The following OSR2 variants were observed in gnomAD, a reference collection of about 807,000 sequenced individuals.
The protein encoded by OSR2 is odd-skipped related transciption factor 2.
OSR2 carries 8 observed loss-of-function variants against 22.3 expected under a neutral mutation model. That is an observed-to-expected ratio of 0.36 (90% CI 0.21 to 0.65). The LOEUF is 0.65. OSR2 is among the 30% of genes least tolerant of loss of function. The pLI is 0.66. For synonymous variants in OSR2, 179 were observed against 173.8 expected, an observed-to-expected ratio of 1.03 and a Z score of -0.23; for missense variants, 311 against 413.4, an observed-to-expected ratio of 0.75 and a Z score of 2.15.
Position 98,948,732 on chromosome 8 carries a change from G to A in OSR2, c.-114-107G>A. The A allele has an allele frequency of 1.5e-6, 2 of 1,332,720 alleles. No homozygotes were observed. The highest frequency in any genetic ancestry group is 1.5e-5 in the South Asian group (1 of 66,680). The allele number at this position is 1,332,720 out of a possible 1,614,324, so 82.6% of individuals were successfully genotyped here. ...GGCTTTCGGGGGGTCTTGGAGTCGG[G>A]TGGGGAGGGAGACTTAGGTGTGGTA... On this transcript the variant is annotated intron_variant, in intron 1 of 3. Transcript: ENST00000297565. The surrounding 1 kb of genome is among the most constrained non-coding windows in gnomAD (Gnocchi z 6.0).
Position 98,948,545 on chromosome 8 carries a change from T to A in OSR2, c.-114-294T>A. On this transcript the variant is annotated intron_variant, in intron 1 of 3. Transcript: ENST00000297565. The surrounding 1 kb of genome is among the most constrained non-coding windows in gnomAD (Gnocchi z 6.0). ...CTGCCCGGCTGTCCGCCTTTCGTTT[T>A]CCTGGGACCGAGGAGTCTTCCGCTC... 4 of 1,315,856 alleles carry A rather than the reference T, an allele frequency of 3.0e-6. No individual in the cohort carries two copies. The South Asian group carries it at 6.3e-5, about 21-fold the overall frequency. The allele number at this position is 1,315,856 out of a possible 1,614,324, so 81.5% of individuals were successfully genotyped here. A position where few individuals can be genotyped will look rare whatever the true frequency, so the allele number is the denominator to read the frequency against.
At chr8:98,951,000 T>G in intron 3 of OSR2, 1 of 596,742 alleles carries the variant, frequency 1.7e-6, no homozygotes, top group Non-Finnish European at 2.9e-6. Context: ...TAGAATTTTT[T>G]TCATCCAATC....
intron 2 of OSR2, 105 bp from the exon 3 acceptor site, chr8:98,950,551 T>C (rs551594576): frequency 2.8e-6 from 2 of 703,308 alleles, no homozygotes; most frequent in African/African-American, 3.6e-5. Context: ...TAAATGGAAA[T>C]CTTGTTTCTT....
Position 98,948,189 on chromosome 8 carries a change from AG to A in OSR2, c.-114-648del. On this transcript the variant is annotated intron_variant, in intron 1 of 3. Transcript: ENST00000297565. The surrounding 1 kb of genome is among the most constrained non-coding windows in gnomAD (Gnocchi z 6.0). ...CGCTGATAGATGGGGCTGAGGGCAG[AG>A]GAAGGAAAAAGAAAACCTCCGAGGT... is the stretch of plus-strand genomic sequence containing the variant. 1 of 1,411,140 alleles carries A rather than the reference AG, an allele frequency of 7.1e-7. No homozygotes were observed. The highest frequency in any genetic ancestry group is 1.5e-5 in the South Asian group (1 of 66,138). 87.4% of individuals were successfully genotyped at this position (1,411,140 alleles called of 1,614,324 possible).
chr8:98,950,304 C>G (rs1462841002), intron 2 of OSR2, among the ~76,000 whole-genome samples: 1 of 152,108 alleles, frequency 6.6e-6, no homozygotes, highest in Non-Finnish European at 1.5e-5. Flanking sequence ...AAGGGATTCA[C>G]TAAAATTAGC....
chr8:98,946,836 A>T (rs1285420419), intron 1 of OSR2, among the ~76,000 whole-genome samples: 1 of 152,160 alleles, frequency 6.6e-6, no homozygotes, highest in African/African-American at 2.4e-5. Flanking sequence ...TAAGAAATCT[A>T]GTCTGGGAAT....
intron 2 of OSR2, among the ~76,000 whole-genome samples, 190 bp from the exon 3 acceptor site, chr8:98,950,466 G>A (rs1198915148): frequency 6.6e-6 from 1 of 152,028 alleles, no homozygotes; most frequent in Non-Finnish European, 1.5e-5. Context: ...CCGCGGGCTG[G>A]TGAATATTTT....
At position 98,948,702 on chromosome 8, in the gene OSR2, C is replaced by T; in HGVS notation, c.-114-137C>T. 5 of 1,179,172 alleles carry T rather than the reference C, an allele frequency of 4.2e-6. No homozygotes were observed. The highest frequency in any genetic ancestry group is 5.8e-6 in the Non-Finnish European group (5 of 864,966). 73.0% of individuals were successfully genotyped at this position (1,179,172 alleles called of 1,614,324 possible). A position where few individuals can be genotyped will look rare whatever the true frequency, so the allele number is the denominator to read the frequency against. On this transcript the variant is annotated intron_variant, in intron 1 of 3. Transcript: ENST00000297565. This position sits in a 1 kb window ranked among gnomAD's most constrained non-coding sequence, Gnocchi z 6.0. ...AGGTGCCAAGGTGCCACGCAGTCCC[C>T]TCACGGCTTTCGGGGGGTCTTGGAG...
At position 98,950,851 on chromosome 8, in the gene OSR2, G is replaced by C. The variant is rs1474949782; in HGVS notation, c.756+96G>C. The stretch of plus-strand genomic sequence containing the variant: ...AATGGCAGACTCTTTCTCTTAAAAG[G>C]CTCTATTTAGATTAGTTCTCTAGGT... On this transcript the variant is annotated intron_variant, in intron 3 of 3. Transcript: ENST00000297565. The C allele has an allele frequency of 8.9e-6, 7 of 788,306 alleles. No individual in the cohort carries two copies. The Admixed American group carries it at 1.4e-4, about 16-fold the overall frequency. The allele number at this position is 788,306 out of a possible 1,614,324, so 48.8% of individuals were successfully genotyped here.
In OSR2 at chr8:98,951,442, G is replaced by A. The variant is rs568108493; in HGVS notation, c.757-77G>A. On this transcript the variant is annotated intron_variant, in intron 3 of 3. Coordinates refer to ENST00000297565, the MANE Select transcript of OSR2 (RefSeq NM_001142462.3). ...GTGTTATGTTAACGCTTGTGATAACGATAAGACAGAAACTATTGAAAAGGG... is the reference window on the plus strand; with the variant it reads ...GTGTTATGTTAACGCTTGTGATAACAATAAGACAGAAACTATTGAAAAGGG... The A allele has an allele frequency of 1.5e-5, 20 of 1,370,070 alleles. No individual in the cohort carries two copies. The South Asian group carries it at 2.5e-4, about 17-fold the overall frequency. 84.9% of individuals were successfully genotyped at this position (1,370,070 alleles called of 1,614,324 possible).
At chr8:98,950,803 T>C in intron 3 of OSR2, 48 bp downstream of exon 3, 1 of 1,262,918 alleles carries the variant, frequency 7.9e-7, no homozygotes, top group Non-Finnish European at 1.1e-6. Flanking sequence ...CGTGTTATCA[T>C]TACTGCTTTG....
intron 3 of OSR2, 42 bp downstream of exon 3, chr8:98,950,797 T>C: frequency 7.8e-7 from 1 of 1,287,610 alleles, no homozygotes; most frequent in Non-Finnish European, 1.1e-6. Flanking sequence ...CTGGTTCGTG[T>C]TATCATTACT....
Position 98,951,698 on chromosome 8 carries a change from C to T in OSR2, c.936C>T (p.Phe312=), listed in dbSNP as rs759318120. 1 of 1,611,650 alleles carries T rather than the reference C, an allele frequency of 6.2e-7. No homozygotes were observed. The highest frequency in any genetic ancestry group is 8.5e-7 in the Non-Finnish European group (1 of 1,179,064). ...HSLTHTPRQD[F] is the part of the protein sequence containing the mutation. ...TGACTCACACCCCGCGGCAGGACTT[C>T]TAGAGAAGCCCAGGATCTGTCCCGT... The change falls in exon 4 of 4, where the codon TTC becomes TTT. Residue 312 remains phenylalanine (F), a synonymous_variant. Coordinates refer to ENST00000297565, the MANE Select transcript of OSR2 (RefSeq NM_001142462.3).
chr8:98,951,855 T>G lies in OSR2; in HGVS notation c.*154T>G. 1 of 681,532 alleles carries G rather than the reference T, an allele frequency of 1.5e-6. No homozygotes were observed. The highest frequency in any genetic ancestry group is 2.4e-6 in the Non-Finnish European group (1 of 412,078). The allele number at this position is 681,532 out of a possible 1,614,324, so 42.2% of individuals were successfully genotyped here. A position where few individuals can be genotyped will look rare whatever the true frequency, so the allele number is the denominator to read the frequency against. ...GCAGCTCCAGGGAGTTAACTCTTCT[T>G]CTGGGGGACTGAGAACTGTAGAAAG... On this transcript the variant is annotated 3_prime_UTR_variant, in exon 4 of 4. Transcript: ENST00000297565.
Position 98,948,934 on chromosome 8 carries a change from A to AC in OSR2, c.-14dup. 1 of 1,613,204 alleles carries AC rather than the reference A, an allele frequency of 6.2e-7. No homozygotes were observed. Among genetic ancestry groups the AC allele is most frequent in the Non-Finnish European group, 8.5e-7 (1 of 1,179,762 alleles). On this transcript the variant is annotated 5_prime_UTR_variant, in exon 2 of 4. Coordinates refer to ENST00000297565, the MANE Select transcript of OSR2 (RefSeq NM_001142462.3). The surrounding 1 kb of genome is among the most constrained non-coding windows in gnomAD (Gnocchi z 6.0). ...GGAAGAAAGGGTTGGTCCCCTCAGC[A>AC]CCCCCAGCATCCCGGAAAATGGGGA... is the stretch of plus-strand genomic sequence containing the variant.
Position 98,950,171 on chromosome 8 carries a change from T to G in OSR2, c.657-485T>G, listed in dbSNP as rs573963438. Among the ~76,000 whole-genome samples, 27 of 152,304 alleles carry G rather than the reference T, an allele frequency of 1.8e-4. 1 individual carries two copies. The Middle Eastern group carries it at 0.024, about 134-fold the overall frequency. ...AGGCAATTGAAGGCATTCAATAATG[T>G]AAGTGTTATCATTGGGTAAAAACTT... On this transcript the variant is annotated intron_variant, in intron 2 of 3. Transcript: ENST00000297565.
rs748845335 is a variant in OSR2 at position 98,951,929 on chromosome 8, A to G, written c.*228A>G. On this transcript the variant is annotated 3_prime_UTR_variant, in exon 4 of 4. Transcript: ENST00000297565. ...CAAAGAGTATATGCTAGTTTCTTGT[A>G]GATATTCACAGCTCATTTTAGAGCT... is the stretch of plus-strand genomic sequence containing the variant. 1.0e-5 allele frequency: 5 copies of G among 484,384 alleles called. No homozygotes were observed. The highest frequency in any genetic ancestry group is 3.0e-5 in the East Asian group (1 of 33,070). 30.0% of individuals were successfully genotyped at this position (484,384 alleles called of 1,614,324 possible).
rs1172373635 is a variant in OSR2, at chr8:98,949,112, T to C, written c.160T>C (p.Trp54Arg). 2 of 1,613,874 alleles carry C rather than the reference T, an allele frequency of 1.2e-6. No individual in the cohort carries two copies. Among genetic ancestry groups the C allele is most frequent in the Non-Finnish European group, 1.7e-6 (2 of 1,179,872 alleles). Residue 54 changes from tryptophan (W) to arginine (R), a missense_variant, in exon 2 of 4, where the codon TGG (tryptophan) becomes CGG (arginine). Coordinates refer to ENST00000297565, the MANE Select transcript of OSR2 (RefSeq NM_001142462.3). This position sits in a 1 kb window ranked among gnomAD's most constrained non-coding sequence, Gnocchi z 5.9. The stretch of plus-strand genomic sequence containing the variant: ...GGTACAGACCATGCACATGAACCAC[T>C]GGACGCTGGGGTATCCCAATGTGCA... ...SAVQTMHMNH[W>R]TLGYPNVHEI...
chr8:98,951,091 T>C, intron 3 of OSR2: 1 of 519,348 alleles, frequency 1.9e-6, no homozygotes, highest in South Asian at 3.0e-5. Flanking sequence ...TCCCATACGT[T>C]CTCTTTCCCA....
Sources: allele counts gnomAD v4.1 joint callset (sites outside exome capture counted in the v4.1 genomes callset), GRCh38; gene constraint gnomAD v4.1.1; non-coding constraint Gnocchi (gnomAD v3.1); transcripts MANE v1.5; gene names NCBI Gene and HGNC (gene_info 2026-07-23, HGNC 2026-07-21).